The following TIAM1 variants were observed in gnomAD, a reference collection of about 807,000 sequenced individuals.
TIAM1 encodes the protein TIAM Rac1 associated GEF 1.
In TIAM1, 65 loss-of-function variants were observed where a neutral mutation model predicts 163.5. The ratio of observed to expected loss-of-function variants is 0.40; its 90% CI spans 0.33 to 0.49. TIAM1 has a LOEUF of 0.49. TIAM1 is among the 20% of genes least tolerant of loss of function. The probability of loss-of-function intolerance (pLI) is 0.77; values close to 1 mark genes in which losing one functional copy is unlikely to be tolerated. For missense variants in TIAM1, 1,789 were observed against 2,044.7 expected, an observed-to-expected ratio of 0.87 and a Z score of 2.41; for synonymous variants, 833 against 810.1, an observed-to-expected ratio of 1.03 and a Z score of -0.48.
At chr21:31,222,692 TATATATATA>T (rs2087639352) in intron 8 of TIAM1, among the ~76,000 whole-genome samples, 1 of 35,874 alleles carries the variant, frequency 2.8e-5, no homozygotes, top group African/African-American at 1.5e-4. Context: ...TATATATATA[TATATATATA>T]TATATATTTT....
intron 11 of TIAM1, among the ~76,000 whole-genome samples, chr21:31,204,587 A>G (rs1178752412): frequency 6.6e-6 from 1 of 152,234 alleles, no homozygotes; most frequent in Non-Finnish European, 1.5e-5. Flanking sequence ...ATATTCAGTT[A>G]CACTTAACGA....
Position 31,329,973 on chromosome 21 carries a change from G to A in TIAM1, c.-189+9270C>T, listed in dbSNP as rs564024209. Among the ~76,000 whole-genome samples the A allele has an allele frequency of 7.2e-5, 11 of 152,254 alleles. No individual in the cohort carries two copies. The East Asian group carries it at 1.9e-3, about 27-fold the overall frequency. On this transcript the variant is annotated intron_variant, in intron 2 of 27. Coordinates refer to ENST00000541036, the MANE Select transcript of TIAM1 (RefSeq NM_001353694.2). ...TCCTGCCCCACACGCACAGCCTCCCGACTACCAAGATCTTTCAACAGAATG... is the reference window on the plus strand; with the variant it reads ...TCCTGCCCCACACGCACAGCCTCCCAACTACCAAGATCTTTCAACAGAATG...
At chr21:31,203,636 C>T (rs1176355974) in intron 11 of TIAM1, among the ~76,000 whole-genome samples, 1 of 151,764 alleles carries the variant, frequency 6.6e-6, no homozygotes, top group Non-Finnish European at 1.5e-5. Context: ...TTCAACACAA[C>T]ACAGCAGATC....
intron 1 of TIAM1, among the ~76,000 whole-genome samples, chr21:31,506,496 C>G (rs747094161): frequency 2.0e-5 from 3 of 152,170 alleles, no homozygotes; most frequent in Non-Finnish European, 4.4e-5. Context: ...CACAAACTCC[C>G]TTGAATTTCA....
chr21:31,167,202 C>T (rs112414494), intron 15 of TIAM1, among the ~76,000 whole-genome samples: 3,054 of 150,882 alleles, frequency 0.02, 112 homozygotes, highest in African/African-American at 0.071. Flanking sequence ...AGTGATTCTC[C>T]TGCCTCAGCC....
rs988758643 is a variant in TIAM1 at position 31,395,691 on chromosome 21, T to C, written c.-368-56269A>G. 4.0e-4 allele frequency among the ~76,000 whole-genome samples: 61 copies of C among 152,120 alleles called. No homozygotes were observed. The highest frequency in any genetic ancestry group is 1.4e-3 in the African/African-American group (59 of 41,414). On this transcript the variant is annotated intron_variant, in intron 2 of 28. Coordinates refer to the TIAM1 transcript ENST00000286827. The surrounding 1 kb of genome is among the most constrained non-coding windows in gnomAD (Gnocchi z 7.5). ...GAATAAATATTGACTAAAACATCTA[T>C]CTTGGGGAGGGGGCGCATGCGTTCC...
At chr21:31,155,227 C>A (rs1601326573) in intron 16 of TIAM1, among the ~76,000 whole-genome samples, 1 of 152,212 alleles carries the variant, frequency 6.6e-6, no homozygotes, top group African/African-American at 2.4e-5. Context: ...TCCAGTTACA[C>A]AAACAGTTCT....
rs1331218506 is a variant in TIAM1, at chr21:31,120,413, C to A, written c.4731G>T (p.Arg1577Ser). The A allele has an allele frequency of 1.2e-6, 2 of 1,613,908 alleles. No homozygotes were observed. The highest frequency in any genetic ancestry group is 2.2e-5 in the East Asian group (1 of 44,866). The change falls in exon 28 of 28, where the codon AGG becomes AGT. Residue 1577 changes from arginine (R) to serine (S), a missense_variant. Arg to Ser is a moderately radical substitution (Grantham distance 110). This residue lies in a region of TIAM1 where 415 missense variants were observed against 439.2 expected (regional missense o/e 0.94). Coordinates refer to ENST00000541036, the MANE Select transcript of TIAM1 (RefSeq NM_001353694.2). The surrounding 1 kb of genome is among the most constrained non-coding windows in gnomAD (Gnocchi z 4.2). The part of the protein sequence containing the change: ...ESASEEVIWV[R>S]REDFAPSRKL... The stretch of plus-strand genomic sequence containing the variant: ...TCCTGGAGGGGGCAAAGTCTTCACG[C>A]CTAACCCAAATGACTTCCTCGCTTG...
intron 6 of TIAM1, among the ~76,000 whole-genome samples, chr21:31,231,990 CAACAGAGAGA>C (rs1441917276): frequency 2.6e-5 from 4 of 150,952 alleles, no homozygotes; most frequent in Non-Finnish European, 4.4e-5. Flanking sequence ...CTACCCTGGG[CAACAGAGAGA>C]AACTCCATCT....
chr21:31,155,847 C>T (rs990800417), intron 16 of TIAM1, among the ~76,000 whole-genome samples: 10 of 152,170 alleles, frequency 6.6e-5, no homozygotes, highest in Non-Finnish European at 1.5e-4. Context: ...ACGCTTCTCT[C>T]TCTGCTTCTA....
chr21:31,450,111 A>T (rs982297429), intron 2 of TIAM1, among the ~76,000 whole-genome samples: 11 of 152,156 alleles, frequency 7.2e-5, no homozygotes, highest in Non-Finnish European at 8.8e-5. Context: ...CCCCGAAAGC[A>T]TTGCTACCCT....
rs766362305 is a variant in TIAM1, at chr21:31,245,598, T to C, written c.1474A>G (p.Lys492Glu). The C allele has an allele frequency of 6.2e-7, 1 of 1,608,064 alleles. No homozygotes were observed. The highest frequency in any genetic ancestry group is 8.5e-7 in the Non-Finnish European group (1 of 1,177,342). ...CTGTTCTCCACCCAGACGGCGTGTTTGGGGATGCTGTTGTGGTCTATCCCA... is the reference window on the plus strand; with the variant it reads ...CTGTTCTCCACCCAGACGGCGTGTTCGGGGATGCTGTTGTGGTCTATCCCA... ...RSGIDHNSIP[K>E]HAVWVENSIV... is the part of the protein sequence containing the mutation. The change falls in exon 6 of 28, where the codon AAA becomes GAA. Residue 492 changes from lysine to glutamate, a missense_variant. Lys to Glu is a moderately conservative substitution (Grantham distance 56). This residue lies in a region of TIAM1 where 456 missense variants were observed against 586.6 expected (regional missense o/e 0.78). Coordinates refer to ENST00000541036, the MANE Select transcript of TIAM1 (RefSeq NM_001353694.2).
intron 1 of TIAM1, among the ~76,000 whole-genome samples, chr21:31,519,465 C>T (rs2047501023): frequency 6.9e-6 from 1 of 145,212 alleles, no homozygotes. Context: ...GCTGAGATCG[C>T]ACTACTGCAC....
chr21:31,286,354 A>T (rs1020534217), intron 2 of TIAM1, among the ~76,000 whole-genome samples: 1 of 152,164 alleles, frequency 6.6e-6, no homozygotes, highest in African/African-American at 2.4e-5. Context: ...ACTTGGGCCC[A>T]GGAGTTCGAG....
At chr21:31,124,330 C>T (rs1341498897) in intron 27 of TIAM1, 192 bp downstream of exon 27, 1 of 617,552 alleles carries the variant, frequency 1.6e-6, no homozygotes, top group Non-Finnish European at 2.5e-6. Context: ...AATGTAGATA[C>T]AGGGCGGATC....
intron 2 of TIAM1, among the ~76,000 whole-genome samples, chr21:31,406,042 T>C (rs986038068): frequency 6.6e-6 from 1 of 152,080 alleles, no homozygotes; most frequent in African/African-American, 2.4e-5. Context: ...GAGATTGCCG[T>C]CATCCTAAAT....
chr21:31,274,077 A>G (rs1361311611), intron 3 of TIAM1, among the ~76,000 whole-genome samples: 1 of 152,158 alleles, frequency 6.6e-6, no homozygotes, highest in Non-Finnish European at 1.5e-5. Context: ...TTAGCCAGGC[A>G]TGGTACACAC....
At chr21:31,521,466 G>C (rs1486764775) in intron 1 of TIAM1, among the ~76,000 whole-genome samples, 1 of 152,166 alleles carries the variant, frequency 6.6e-6, no homozygotes, top group East Asian at 1.9e-4. Flanking sequence ...AAAGTTAAAA[G>C]AGTGCACACC....
chr21:31,545,812 C>T (rs191503198), intron 1 of TIAM1, among the ~76,000 whole-genome samples: 1 of 152,284 alleles, frequency 6.6e-6, no homozygotes, highest in East Asian at 1.9e-4. Context: ...TTCCCAAGGT[C>T]CTTGTTGTTA....
Sources: gnomAD v4.1 joint callset for allele counts (sites outside exome capture counted in the v4.1 genomes callset) on GRCh38, gnomAD v4.1.1 for gene constraint, gnomAD v4.1.1 regional missense constraint, Gnocchi (gnomAD v3.1) non-coding constraint, MANE v1.5 for transcripts, NCBI Gene and HGNC (gene_info 2026-07-23, HGNC 2026-07-21) for gene names.